RAP1GAP2: variants seen among roughly 807,000 people sequenced by gnomAD.
RAP1GAP2 encodes rap1 GTPase-activating protein 2.
A neutral mutation model predicts 95.0 loss-of-function variants in RAP1GAP2; 27 were observed. The observed-to-expected ratio is 0.28, with a 90% CI of 0.21 to 0.39. The LOEUF (loss-of-function observed/expected upper bound fraction) is 0.39. Ranked by LOEUF, RAP1GAP2 falls within the 10% of genes least tolerant of loss-of-function variation. RAP1GAP2 has a pLI of 1.00. For missense variants in RAP1GAP2, 771 were observed against 970.0 expected (o/e 0.79, Z 2.72); for synonymous variants, 373 against 380.9 (o/e 0.98, Z 0.24).
intron 2 of RAP1GAP2, among the ~76,000 whole-genome samples, chr17:2,771,578 C>G (rs1056162762): frequency 6.7e-6 from 1 of 150,236 alleles, no homozygotes; most frequent in Non-Finnish European, 1.5e-5. Flanking sequence ...ACTGCAACCT[C>G]CGCCTCCTGG....
At chr17:3,031,898 C>T (rs2047320401) in intron 23 of RAP1GAP2, among the ~76,000 whole-genome samples, 1 of 147,870 alleles carries the variant, frequency 6.8e-6, no homozygotes, top group Non-Finnish European at 1.5e-5. Context: ...TTCCTGGGTC[C>T]CGAATCCCTT....
chr17:2,895,116 C>A lies in RAP1GAP2; in HGVS notation c.81-10168C>A, dbSNP rs1440538597. ...TCAAGCGGCTCAGGTGTTACAACTT[C>A]AGTGGACTTGTTTCAGAAGGCACCT... On this transcript the variant is annotated intron_variant, in intron 2 of 24. Transcript: ENST00000254695. Among the ~76,000 whole-genome samples the A allele has an allele frequency of 2.6e-5, 4 of 152,228 alleles. No individual in the cohort carries two copies. In the East Asian group the frequency reaches 5.8e-4, roughly 22 times the overall value.
At chr17:2,952,536 C>T (rs545013888) in intron 3 of RAP1GAP2, among the ~76,000 whole-genome samples, 9 of 152,238 alleles carry the variant, frequency 5.9e-5, no homozygotes, top group South Asian at 2.1e-4. Flanking sequence ...TGGTGCCTTT[C>T]GGAAAGCTGT....
At chr17:2,943,032 G>A (rs2043562469) in intron 3 of RAP1GAP2, among the ~76,000 whole-genome samples, 2 of 152,098 alleles carry the variant, frequency 1.3e-5, no homozygotes, top group Admixed American at 6.6e-5. Context: ...GCCACCCAAA[G>A]TGCTGGGATT....
intron 2 of RAP1GAP2, among the ~76,000 whole-genome samples, chr17:2,896,581 A>G (rs531724444): frequency 5.9e-5 from 9 of 152,276 alleles, no homozygotes; most frequent in Non-Finnish European, 8.8e-5. Flanking sequence ...GTAAAGGCTT[A>G]TTTTCCCAGG....
At chr17:2,929,395 G>C (rs1027418484) in intron 3 of RAP1GAP2, among the ~76,000 whole-genome samples, 10 of 152,294 alleles carry the variant, frequency 6.6e-5, no homozygotes, top group African/African-American at 2.2e-4. Context: ...GCCCCGCCAG[G>C]TGACTGTGAT....
At position 2,870,874 on chromosome 17, in the gene RAP1GAP2, A is replaced by C. The variant is rs982735058; in HGVS notation, c.81-34410A>C. Among the ~76,000 whole-genome samples the C allele has an allele frequency of 5.9e-5, 9 of 152,220 alleles. No homozygotes were observed. The highest frequency in any genetic ancestry group is 2.2e-4 in the African/African-American group (9 of 41,460). On this transcript the variant is annotated intron_variant, in intron 2 of 24. Coordinates refer to ENST00000254695, the MANE Select transcript of RAP1GAP2 (RefSeq NM_015085.5). This position sits in a 1 kb window ranked among gnomAD's most constrained non-coding sequence, Gnocchi z 4.4. ...CACTGTGTCTCTTTGTGTTGGCTTC[A>C]TTCTCTTGGGCCATCTGTCTCCATG...
intron 2 of RAP1GAP2, among the ~76,000 whole-genome samples, chr17:2,888,378 C>T (rs1034397397): frequency 1.3e-5 from 2 of 152,192 alleles, no homozygotes; most frequent in East Asian, 1.9e-4. Flanking sequence ...TTCCTCCTTT[C>T]GGTACTTTTG....
Position 2,963,339 on chromosome 17 carries a change from A to C in RAP1GAP2, c.247-91A>C. ...TGTTCCTCCCTCAAAGCCCCCCCACAACATATCCCCCTTGCAAGACCTGGA... is the reference window on the plus strand; with the variant it reads ...TGTTCCTCCCTCAAAGCCCCCCCACCACATATCCCCCTTGCAAGACCTGGA... On this transcript the variant is annotated intron_variant, in intron 5 of 24. Transcript: ENST00000254695. The surrounding 1 kb of genome is among the most constrained non-coding windows in gnomAD (Gnocchi z 4.8). 9.2e-6 allele frequency: 10 copies of C among 1,090,446 alleles called. No homozygotes were observed. Among genetic ancestry groups the C allele is most frequent in the Non-Finnish European group, 1.4e-5 (10 of 729,136 alleles). 67.5% of individuals were successfully genotyped at this position (1,090,446 alleles called of 1,614,324 possible).
intron 3 of RAP1GAP2, among the ~76,000 whole-genome samples, chr17:2,914,201 CTG>C (rs1399035959): frequency 5.3e-5 from 8 of 152,042 alleles, no homozygotes; most frequent in Non-Finnish European, 1.0e-4. Context: ...AACTGCTACA[CTG>C]TTTGCCAAAT....
At chr17:2,757,636 G>C in intron 1 of RAP1GAP2, among the ~76,000 whole-genome samples, 1 of 152,032 alleles carries the variant, frequency 6.6e-6, no homozygotes, top group East Asian at 1.9e-4. Flanking sequence ...CTGGGCCACT[G>C]ATGACCACCT....
At position 2,957,484 on chromosome 17, in the gene RAP1GAP2, C is replaced by G. The variant is rs544582041; in HGVS notation, c.166-275C>G. Among the ~76,000 whole-genome samples the G allele has an allele frequency of 1.3e-3, 202 of 152,316 alleles. 2 individuals carry two copies. Among genetic ancestry groups the G allele is most frequent in the African/African-American group, 4.7e-3 (194 of 41,584 alleles). On this transcript the variant is annotated intron_variant, in intron 3 of 24. Transcript: ENST00000254695. ...GAATTTGGCTCTTCCCAGGGGCCGG[C>G]AGGCCCCTTTCCTTGACAGAGGCTG...
At chr17:2,769,580 CATAA>C (rs1001348634) in intron 1 of RAP1GAP2, among the ~76,000 whole-genome samples, 2 of 151,326 alleles carry the variant, frequency 1.3e-5, no homozygotes, top group South Asian at 4.2e-4. Flanking sequence ...AATGAAATAA[CATAA>C]ATAAAATAAA....
intron 2 of RAP1GAP2, among the ~76,000 whole-genome samples, chr17:2,811,405 C>T (rs956203714): frequency 3.3e-5 from 5 of 152,174 alleles, no homozygotes; most frequent in South Asian, 2.1e-4. Flanking sequence ...CTGCTCTTGT[C>T]GTCTGTGACG....
At chr17:2,795,264 G>A (rs2069041450), upstream of RAP1GAP2, among the ~76,000 whole-genome samples, 1 of 150,936 alleles carries the variant, frequency 6.6e-6, no homozygotes, top group African/African-American at 2.4e-5. Flanking sequence ...GGCCCTATCT[G>A]TGCCCACTCC....
intron 2 of RAP1GAP2, among the ~76,000 whole-genome samples, chr17:2,895,422 T>C (rs2041785848): frequency 6.6e-6 from 1 of 152,192 alleles, no homozygotes; most frequent in Non-Finnish European, 1.5e-5. Context: ...AACATGATCT[T>C]GGTCCGCTTA....
At chr17:2,800,953 G>T (rs2069268026) in intron 2 of RAP1GAP2, among the ~76,000 whole-genome samples, 1 of 149,050 alleles carries the variant, frequency 6.7e-6, no homozygotes, top group African/African-American at 2.5e-5. Flanking sequence ...AGGTTCAAGT[G>T]AATCTCCTGC....
chr17:2,908,049 C>A (rs1230509630), intron 3 of RAP1GAP2, among the ~76,000 whole-genome samples: 2 of 152,158 alleles, frequency 1.3e-5, no homozygotes, highest in African/African-American at 2.4e-5. Context: ...TCGTGATGCG[C>A]CCGCCTCGGC....
At position 2,968,863 on chromosome 17, in the gene RAP1GAP2, G is replaced by T. The variant is rs534429548; in HGVS notation, c.596+3220G>T. On this transcript the variant is annotated intron_variant, in intron 8 of 24. Coordinates refer to ENST00000254695, the MANE Select transcript of RAP1GAP2 (RefSeq NM_015085.5). The stretch of plus-strand genomic sequence containing the variant: ...AAATTAGAAAAGTCAAATACAAAAA[G>T]AAAGCGGGATTGGCAATATTAATAT... 2.6e-5 allele frequency among the ~76,000 whole-genome samples: 4 copies of T among 152,030 alleles called. No individual in the cohort carries two copies. In the East Asian group the frequency reaches 7.7e-4, roughly 29 times the overall value.
Sources: gnomAD v4.1 joint callset for allele counts (sites outside exome capture counted in the v4.1 genomes callset) on GRCh38, gnomAD v4.1.1 for gene constraint, Gnocchi (gnomAD v3.1) non-coding constraint, MANE v1.5 for transcripts, NCBI Gene and HGNC (gene_info 2026-07-23, HGNC 2026-07-21) for gene names.